Variants in VAMP2 observed in about 807,000 individuals in gnomAD.
VAMP2 encodes the protein vesicle associated membrane protein 2.
For missense variants in VAMP2, 95 were observed against 151.3 expected, an observed-to-expected ratio of 0.63 and a Z score of 1.95; for synonymous variants, 67 against 57.3, an observed-to-expected ratio of 1.17 and a Z score of -0.76.
At position 8,162,553 on chromosome 17, in the gene VAMP2, GC is replaced by G. The variant is rs200515650; in HGVS notation, c.3-185del. 5,698 of 1,463,168 alleles carry G rather than the reference GC, an allele frequency of 3.9e-3. 119 individuals carry two copies. The African/African-American group carries it at 0.058, about 15-fold the overall frequency. 90.6% of individuals were successfully genotyped at this position (1,463,168 alleles called of 1,614,324 possible). On this transcript the variant is annotated intron_variant, in intron 1 of 4. Transcript: ENST00000316509. ...GATGAGCTGCGTGACCTTGAGCGAG[GC>G]CCCCCCGGCCTCAGTTTCCCCGCCT...
intron 2 of VAMP2, 104 bp from the exon 3 acceptor site, chr17:8,161,870 G>A: frequency 6.7e-7 from 1 of 1,502,764 alleles, no homozygotes; most frequent in African/African-American, 1.4e-5. Context: ...CATGCACCCT[G>A]ATACTGCCAG....
rs938865343 is a variant in VAMP2 at position 8,162,767 on chromosome 17, C to G, written c.2+111G>C. 1.9e-4 allele frequency: 233 copies of G among 1,242,066 alleles called. No individual in the cohort carries two copies. The African/African-American group carries it at 3.5e-3, about 19-fold the overall frequency. 76.9% of individuals were successfully genotyped at this position (1,242,066 alleles called of 1,614,324 possible). ...CGCGCAGTCACCGGCTTGGGCCTGG[C>G]CCCGGGGCGCGGGGAACGCAGGAGA... On this transcript the variant is annotated intron_variant, in intron 1 of 4. Coordinates refer to ENST00000316509, the MANE Select transcript of VAMP2 (RefSeq NM_014232.3).
chr17:8,160,956 C>G (rs929151363), intron 4 of VAMP2, 85 bp from the exon 5 acceptor site: 2 of 1,246,910 alleles, frequency 1.6e-6, no homozygotes, highest in African/African-American at 1.5e-5. Flanking sequence ...AGGCCTGGCC[C>G]TGCTCCAATC....
Position 8,162,870 on chromosome 17 carries a change from C to T in VAMP2, c.2+8G>A. 1 of 1,213,702 alleles carries T rather than the reference C, an allele frequency of 8.2e-7. No individual in the cohort carries two copies. Among genetic ancestry groups the T allele is most frequent in the Non-Finnish European group, 1.0e-6 (1 of 976,260 alleles). 75.2% of individuals were successfully genotyped at this position (1,213,702 alleles called of 1,614,324 possible). ...AAGCGCGGTGAGGGTGGCGGGCGGC[C>T]GACTCACATGGCGGGGGCAGCGGGT... On this transcript the variant is annotated splice_region_variant and intron_variant, in intron 1 of 4. Transcript: ENST00000316509.
chr17:8,159,486 G>C lies in VAMP2; in HGVS notation c.*1369C>G, dbSNP rs1047054201. The C allele has an allele frequency of 3.3e-5, 5 of 152,638 alleles. No individual in the cohort carries two copies. The highest frequency in any genetic ancestry group is 7.2e-5 in the African/African-American group (3 of 41,418). 9.5% of individuals were successfully genotyped at this position (152,638 alleles called of 1,614,324 possible). A position where few individuals can be genotyped will look rare whatever the true frequency, so the allele number is the denominator to read the frequency against. On this transcript the variant is annotated 3_prime_UTR_variant, in exon 5 of 5. Transcript: ENST00000316509. ...AATCAGTTCACCCAATGAGAGGACA[G>C]CTCTCTCTGGGCTCAATAGTCCTGG...
rs1448935011 is a variant in VAMP2, at chr17:8,160,377, GTTGTTTTTTTTT to G, written c.*466_*477del. ...ACCTAAGGAAGCCTGGACAGGTGCT[GTTGTTTTTTTTT>G]TTTTTTTTTTTTTTTTGAGGGCGGG... On this transcript the variant is annotated 3_prime_UTR_variant, in exon 5 of 5. Coordinates refer to ENST00000316509, the MANE Select transcript of VAMP2 (RefSeq NM_014232.3). 7.6e-5 allele frequency: 3 copies of G among 39,502 alleles called. No homozygotes were observed. Among genetic ancestry groups the G allele is most frequent in the East Asian group, 1.2e-3 (2 of 1,634 alleles). The allele number at this position is 39,502 out of a possible 1,614,324, so 2.4% of individuals were successfully genotyped here.
rs763327958 is a variant in VAMP2 at position 8,162,344 on chromosome 17, G to A, written c.28C>T (p.Pro10Ser). Reference sequence around the variant, plus strand: ...CCACCCTCCCCAGCCGGGGCAGCAGGGGGGGCCGTGGCAGCGGTAGCAGAC... The same window carrying A: ...CCACCCTCCCCAGCCGGGGCAGCAGAGGGGGCCGTGGCAGCGGTAGCAGAC... MSATAATAP[P>S]AAPAGEGGPP... The change falls in exon 2 of 5, where the codon CCT (proline) becomes TCT (serine). Residue 10 changes from proline to serine, a missense_variant. By Grantham distance (74) the Pro-to-Ser change is moderately conservative. Coordinates refer to ENST00000316509, the MANE Select transcript of VAMP2 (RefSeq NM_014232.3). 1.7e-5 allele frequency: 27 copies of A among 1,607,318 alleles called. No individual in the cohort carries two copies. Among genetic ancestry groups the A allele is most frequent in the Non-Finnish European group, 1.9e-5 (22 of 1,177,596 alleles).
Position 8,160,311 on chromosome 17 carries a change from G to A in VAMP2, c.*544C>T, listed in dbSNP as rs1983253415. On this transcript the variant is annotated 3_prime_UTR_variant, in exon 5 of 5. Transcript: ENST00000316509. ...ACCTTGGGATTCTTAGGACCAAGTG[G>A]GGCCAGTCTCAGAGCCTCCCAATGG... 1 of 151,174 alleles carries A rather than the reference G, an allele frequency of 6.6e-6. No homozygotes were observed. Among genetic ancestry groups the A allele is most frequent in the African/African-American group, 2.4e-5 (1 of 40,990 alleles). 9.4% of individuals were successfully genotyped at this position (151,174 alleles called of 1,614,324 possible). A position where few individuals can be genotyped will look rare whatever the true frequency, so the allele number is the denominator to read the frequency against.
At chr17:8,162,702 G>A (rs1018706047) in intron 1 of VAMP2, 176 bp downstream of exon 1, 4 of 1,318,946 alleles carry the variant, frequency 3.0e-6, no homozygotes, top group Non-Finnish European at 3.9e-6. Flanking sequence ...GCCATCGCCC[G>A]AGCCGGCCAG....
chr17:8,160,380 G>GTTTTTTGTTTTTT lies in VAMP2; in HGVS notation c.*474_*475insAAAAAACAAAAAA, dbSNP rs1983260758. The GTTTTTTGTTTTTT allele has an allele frequency of 2.8e-5, 1 of 35,110 alleles. No homozygotes were observed. Among genetic ancestry groups the GTTTTTTGTTTTTT allele is most frequent in the Non-Finnish European group, 5.0e-5 (1 of 20,098 alleles). The allele number at this position is 35,110 out of a possible 1,614,324, so 2.2% of individuals were successfully genotyped here. ...TAAGGAAGCCTGGACAGGTGCTGTT[G>GTTTTTTGTTTTTT]TTTTTTTTTTTTTTTTTTTTTTTTT... On this transcript the variant is annotated 3_prime_UTR_variant, in exon 5 of 5. Transcript: ENST00000316509.
chr17:8,160,820 G>A lies in VAMP2; in HGVS notation c.*35C>T. On this transcript the variant is annotated 3_prime_UTR_variant, in exon 5 of 5. Coordinates refer to ENST00000316509, the MANE Select transcript of VAMP2 (RefSeq NM_014232.3). The stretch of plus-strand genomic sequence containing the variant: ...AGGAACGGCTGAGGGTTGGGGGAGA[G>A]GCCCTTCTCTAGGCAGGGCAGACTC... 6.2e-7 allele frequency: 1 copy of A among 1,605,014 alleles called. No individual in the cohort carries two copies. Among genetic ancestry groups the A allele is most frequent in the Admixed American group, 1.7e-5 (1 of 59,528 alleles).
At chr17:8,162,773 G>C (rs1057354584) in intron 1 of VAMP2, 105 bp downstream of exon 1, 11 of 1,238,304 alleles carry the variant, frequency 8.9e-6, no homozygotes, top group African/African-American at 1.6e-5. Flanking sequence ...CTGGCCCCGG[G>C]GCGCGGGGAA....
At chr17:8,161,302 G>A (rs1185405485) in intron 4 of VAMP2, 171 bp downstream of exon 4, 16 of 967,298 alleles carry the variant, frequency 1.7e-5, no homozygotes, top group Non-Finnish European at 2.3e-5. Context: ...TAGGCAAAAT[G>A]CAGGCTAAAT....
rs1346925946 is a variant in VAMP2, at chr17:8,162,327, CCCAGCCGGGGCA to C, written c.33_44del (p.Ala12_Gly15del). 1.2e-6 allele frequency: 2 copies of C among 1,605,534 alleles called. No homozygotes were observed. The highest frequency in any genetic ancestry group is 1.7e-6 in the Non-Finnish European group (2 of 1,177,076). Reference sequence around the variant, plus strand: ...GAGGGGGTGCAGGGGGACCACCCTCCCCAGCCGGGGCAGCAGGGGGGGCCGTGGCAGCGGTAG... The same window carrying C: ...GAGGGGGTGCAGGGGGACCACCCTCCGCAGGGGGGGCCGTGGCAGCGGTAG... On this transcript the variant is annotated inframe_deletion, in exon 2 of 5. Transcript: ENST00000316509.
chr17:8,161,546 C>G (rs1455516312), intron 3 of VAMP2, 22 bp from the exon 4 acceptor site: 1 of 1,614,132 alleles, frequency 6.2e-7, no homozygotes, highest in Non-Finnish European at 8.5e-7. Flanking sequence ...AGGCGAGGAT[C>G]AGTAAGACAA....
At chr17:8,161,132 A>G (rs1030274273) in intron 4 of VAMP2, 3 of 549,662 alleles carry the variant, frequency 5.5e-6, no homozygotes, top group Non-Finnish European at 9.6e-6. Flanking sequence ...CTCTCAAATA[A>G]TGGGGTGGTT....
chr17:8,159,809 A>G lies in VAMP2; in HGVS notation c.*1046T>C, dbSNP rs1164373453. On this transcript the variant is annotated 3_prime_UTR_variant, in exon 5 of 5. Transcript: ENST00000316509. ...AGAGATCAATTGTGGCCAACCCCCA[A>G]CTCTCCTGGTGGGAGGAGGAGGTGG... 1 of 152,532 alleles carries G rather than the reference A, an allele frequency of 6.6e-6. No individual in the cohort carries two copies. Among genetic ancestry groups the G allele is most frequent in the Non-Finnish European group, 1.5e-5 (1 of 68,074 alleles). 9.4% of individuals were successfully genotyped at this position (152,532 alleles called of 1,614,324 possible). A position where few individuals can be genotyped will look rare whatever the true frequency, so the allele number is the denominator to read the frequency against.
Position 8,161,707 on chromosome 17 carries a change from C to T in VAMP2, c.183G>A (p.Ser61=), listed in dbSNP as rs201492595. The change falls in exon 3 of 5, where the codon TCG becomes TCA. Residue 61 remains serine, a synonymous_variant. Transcript: ENST00000316509. ...DKVLERDQKL[S]ELDDRADALQ... is the part of the protein sequence containing the mutation. ...GTGCATCTGCACGGTCGTCCAGCTC[C>T]GACAGCTTCTGGTCTCGCTCCAGGA... is the stretch of plus-strand genomic sequence containing the variant. The T allele has an allele frequency of 4.5e-5, 72 of 1,614,038 alleles. No homozygotes were observed. Among genetic ancestry groups the T allele is most frequent in the African/African-American group, 1.2e-4 (9 of 74,906 alleles).
intron 1 of VAMP2, 105 bp downstream of exon 1, chr17:8,162,773 G>A (rs1057354584): frequency 1.6e-6 from 2 of 1,238,412 alleles, no homozygotes; most frequent in African/African-American, 1.6e-5. Flanking sequence ...CTGGCCCCGG[G>A]GCGCGGGGAA....
Sources: allele counts gnomAD v4.1 joint callset, GRCh38; gene constraint gnomAD v4.1.1; transcripts MANE v1.5; gene names NCBI Gene and HGNC (gene_info 2026-07-23, HGNC 2026-07-21).